The following VPS13B variants were observed in gnomAD, a reference collection of about 807,000 sequenced individuals.
VPS13B encodes the protein vacuolar protein sorting 13 homolog B.
Under a neutral mutation model 426.4 loss-of-function variants are expected in VPS13B, and 285 were observed. The observed-to-expected ratio is 0.67, with a 90% CI of 0.61 to 0.74. VPS13B has a LOEUF of 0.74. Among genes scored for constraint, VPS13B ranks in the 30% least tolerant of loss-of-function variants. VPS13B has a pLI of 0.00. For missense variants in VPS13B, 4,537 were observed against 4,782.6 expected, an observed-to-expected ratio of 0.95 and a Z score of 1.51; for synonymous variants, 1,676 against 1,676.4, an observed-to-expected ratio of 1.00 and a Z score of 0.01.
chr8:99,077,999 A>T (rs1845228006), intron 3 of VPS13B, among the ~76,000 whole-genome samples: 1 of 151,468 alleles, frequency 6.6e-6, no homozygotes, highest in African/African-American at 2.4e-5. Flanking sequence ...TATTTTATTC[A>T]TTGAGTTTTT....
chr8:99,871,761 C>A, intron 61 of VPS13B, 64 bp downstream of exon 61: 1 of 1,608,998 alleles, frequency 6.2e-7, no homozygotes. Flanking sequence ...GCAGGCTGGT[C>A]ACTGGTACCT....
intron 17 of VPS13B, among the ~76,000 whole-genome samples, chr8:99,220,780 CTTTT>C (rs5893485): frequency 4.4e-5 from 5 of 112,962 alleles, no homozygotes; most frequent in Non-Finnish European, 8.7e-5. Context: ...TAGTTTTATT[CTTTT>C]TTTTTTTTTT....
chr8:99,220,171 CAG>C (rs1815631746), intron 17 of VPS13B, among the ~76,000 whole-genome samples: 1 of 152,136 alleles, frequency 6.6e-6, no homozygotes, highest in Non-Finnish European at 1.5e-5. Context: ...GACAAAGAGA[CAG>C]AGTTTTGGAG....
At position 99,310,581 on chromosome 8, in the gene VPS13B, C is replaced by T. The variant is rs556328938; in HGVS notation, c.2824+35327C>T. 2.9e-4 allele frequency among the ~76,000 whole-genome samples: 44 copies of T among 152,198 alleles called. No individual in the cohort carries two copies. The South Asian group carries it at 7.0e-3, about 24-fold the overall frequency. On this transcript the variant is annotated intron_variant, in intron 19 of 61. Transcript: ENST00000357162. ...AAGCTTTTTGATGTGTTGCTGGATT[C>T]GGTTTGCCAGTATTTTATTGAGGAT...
chr8:99,826,352 C>T (rs891812710), intron 51 of VPS13B, among the ~76,000 whole-genome samples: 1 of 152,138 alleles, frequency 6.6e-6, no homozygotes, highest in African/African-American at 2.4e-5. Context: ...GGAGTTCACT[C>T]ATGATTTGGC....
chr8:99,334,377 AAAAGACTTG>A (rs1440015688), intron 19 of VPS13B, among the ~76,000 whole-genome samples: 1 of 152,040 alleles, frequency 6.6e-6, no homozygotes, highest in African/African-American at 2.4e-5. Flanking sequence ...GAAGTGTCTT[AAAAGACTTG>A]AAGGTCGAAT....
rs971599022 is a variant in VPS13B at position 99,512,964 on chromosome 8, GTGCCAT to G, written c.4633+1456_4633+1461del. Among the ~76,000 whole-genome samples, 5 of 150,684 alleles carry G rather than the reference GTGCCAT, an allele frequency of 3.3e-5. 1 individual carries two copies. Among genetic ancestry groups the G allele is most frequent in the African/African-American group, 1.2e-4 (5 of 40,976 alleles). ...GTGTAGGTTGCAGTGAGCCAAGATA[GTGCCAT>G]TGCACTCCAGCTTGGGTGACAGAGC... is the stretch of plus-strand genomic sequence containing the variant. On this transcript the variant is annotated intron_variant, in intron 29 of 61. Coordinates refer to ENST00000357162, the MANE Select transcript of VPS13B (RefSeq NM_152564.5).
At chr8:99,256,983 C>T (rs1278394364) in intron 17 of VPS13B, among the ~76,000 whole-genome samples, 2 of 151,988 alleles carry the variant, frequency 1.3e-5, no homozygotes, top group Non-Finnish European at 2.9e-5. Context: ...TGTCTGACTC[C>T]AGGCTGAGTC....
At chr8:99,122,520 C>T (rs73699968) in intron 8 of VPS13B, among the ~76,000 whole-genome samples, 34 of 152,172 alleles carry the variant, frequency 2.2e-4, no homozygotes, top group African/African-American at 7.9e-4. Flanking sequence ...CTTTGATCCC[C>T]CATGTGTTCT....
At chr8:99,114,233 G>A (rs1056213056) in intron 6 of VPS13B, among the ~76,000 whole-genome samples, 2 of 151,442 alleles carry the variant, frequency 1.3e-5, no homozygotes, top group Admixed American at 6.6e-5. Context: ...AACATTAAGG[G>A]GAGTGCCTAT....
intron 21 of VPS13B, among the ~76,000 whole-genome samples, chr8:99,425,853 G>A (rs1816670500): frequency 6.6e-6 from 1 of 152,148 alleles, no homozygotes; most frequent in Admixed American, 6.6e-5. Context: ...CTTCAGCAAA[G>A]TCTCAGGATA....
chr8:99,686,518 T>C (rs906724269), intron 35 of VPS13B, among the ~76,000 whole-genome samples: 1 of 151,972 alleles, frequency 6.6e-6, no homozygotes, highest in Non-Finnish European at 1.5e-5. Flanking sequence ...CTTAGGAATC[T>C]ACTTGGTGCT....
chr8:99,435,549 C>T (rs892819753), intron 22 of VPS13B, among the ~76,000 whole-genome samples: 5 of 152,058 alleles, frequency 3.3e-5, no homozygotes, highest in African/African-American at 9.7e-5. Flanking sequence ...GGAGAATGTC[C>T]TTCTCTGGCC....
intron 43 of VPS13B, chr8:99,799,200 A>G (rs1351956258): frequency 1.3e-5 from 2 of 152,224 alleles, no homozygotes; most frequent in African/African-American, 4.8e-5. Flanking sequence ...ATGACTTCAT[A>G]GTTATAAAAT....
chr8:99,106,608 C>G (rs1212682665), intron 5 of VPS13B, among the ~76,000 whole-genome samples: 1 of 152,146 alleles, frequency 6.6e-6, no homozygotes, highest in Non-Finnish European at 1.5e-5. Flanking sequence ...ACTGCCCCTT[C>G]TTTCCCCAAA....
chr8:99,341,468 T>G (rs2133186097), intron 19 of VPS13B: 1 of 156,282 alleles, frequency 6.4e-6, no homozygotes. Context: ...TCACTACTGT[T>G]GGAGAACTGC....
chr8:99,254,331 T>A (rs1389703094), intron 17 of VPS13B, among the ~76,000 whole-genome samples: 1 of 151,870 alleles, frequency 6.6e-6, no homozygotes, highest in Non-Finnish European at 1.5e-5. Context: ...TTTGGGGTAC[T>A]TTTTTTTAAA....
chr8:99,192,764 A>C, intron 16 of VPS13B, 112 bp from the exon 17 acceptor site: 1 of 1,097,736 alleles, frequency 9.1e-7, no homozygotes, highest in Non-Finnish European at 1.3e-6. Context: ...GTATGTTTGC[A>C]TACATACTTT....
chr8:99,338,833 G>T (rs917871507), intron 19 of VPS13B, among the ~76,000 whole-genome samples: 1 of 152,028 alleles, frequency 6.6e-6, no homozygotes, highest in African/African-American at 2.4e-5. Flanking sequence ...TAATAATGAG[G>T]TCCATTACAT....
Sources: gnomAD v4.1 joint callset for allele counts (sites outside exome capture counted in the v4.1 genomes callset) on GRCh38, gnomAD v4.1.1 for gene constraint, MANE v1.5 for transcripts, NCBI Gene and HGNC (gene_info 2026-07-23, HGNC 2026-07-21) for gene names.